The following CSNK1G3 variants were observed in gnomAD, a reference collection of about 807,000 sequenced individuals.
The protein encoded by CSNK1G3 is casein kinase 1 gamma 3.
A neutral mutation model predicts 64.3 loss-of-function variants in CSNK1G3; 23 were observed. The ratio of observed to expected loss-of-function variants is 0.36; its 90% CI spans 0.26 to 0.51. The LOEUF (loss-of-function observed/expected upper bound fraction) is 0.51, where lower values mean the gene tolerates loss of function less well. Ranked by LOEUF, CSNK1G3 falls within the 20% of genes least tolerant of loss-of-function variation. CSNK1G3 has a pLI of 0.96. For synonymous variants in CSNK1G3, 158 were observed against 162.2 expected (o/e 0.97, Z 0.20); for missense variants, 357 against 510.5 (o/e 0.70, Z 2.90).
chr5:123,537,274 T>C (rs1039740454), intron 1 of CSNK1G3, among the ~76,000 whole-genome samples: 4 of 152,170 alleles, frequency 2.6e-5, no homozygotes, highest in Admixed American at 1.3e-4. Context: ...GAGTGAATCA[T>C]GTCTTTTGCA....
intron 6 of CSNK1G3, among the ~76,000 whole-genome samples, chr5:123,586,607 G>C (rs1791378949): frequency 1.3e-5 from 2 of 152,102 alleles, no homozygotes; most frequent in Admixed American, 6.6e-5. Context: ...GAAATGGGAA[G>C]TTGAAATCTC....
At chr5:123,523,145 T>A (rs1580868804) in intron 1 of CSNK1G3, among the ~76,000 whole-genome samples, 2 of 151,654 alleles carry the variant, frequency 1.3e-5, no homozygotes, top group Admixed American at 6.6e-5. Context: ...TAACTGCACT[T>A]CTGCTTTCTT....
At chr5:123,526,878 GTGTA>G (rs147255916) in intron 1 of CSNK1G3, among the ~76,000 whole-genome samples, 12,800 of 116,142 alleles carry the variant, frequency 0.11, 832 homozygotes, top group African/African-American at 0.23. Context: ...GTGTGTGTGT[GTGTA>G]TGAACATAAT....
At chr5:123,541,811 G>A (rs1184995442) in intron 1 of CSNK1G3, among the ~76,000 whole-genome samples, 1 of 151,480 alleles carries the variant, frequency 6.6e-6, no homozygotes, top group African/African-American at 2.4e-5. Flanking sequence ...TTTTCTTTTT[G>A]GGGGAAAATC....
chr5:123,601,318 C>T (rs1794458738), intron 10 of CSNK1G3, among the ~76,000 whole-genome samples: 1 of 151,968 alleles, frequency 6.6e-6, no homozygotes, highest in African/African-American at 2.4e-5. Flanking sequence ...ATTTTAATGC[C>T]ATGATACACT....
intron 4 of CSNK1G3, among the ~76,000 whole-genome samples, chr5:123,565,520 A>G (rs1786689210): frequency 6.6e-6 from 1 of 152,252 alleles, no homozygotes; most frequent in Non-Finnish European, 1.5e-5. Flanking sequence ...TTTAAATTAA[A>G]TCAGGAAGTT....
intron 1 of CSNK1G3, among the ~76,000 whole-genome samples, chr5:123,544,253 G>T (rs1315264291): frequency 6.6e-6 from 1 of 152,114 alleles, no homozygotes; most frequent in Non-Finnish European, 1.5e-5. Flanking sequence ...TTGCTCATCT[G>T]CCCATTGCTT....
intron 10 of CSNK1G3, among the ~76,000 whole-genome samples, chr5:123,601,581 A>G (rs1794509030): frequency 6.6e-6 from 1 of 152,234 alleles, no homozygotes; most frequent in Non-Finnish European, 1.5e-5. Flanking sequence ...GTCAGGTATA[A>G]AAAGTCTTCC....
chr5:123,584,868 G>A (rs769232890), intron 6 of CSNK1G3, among the ~76,000 whole-genome samples: 38 of 152,014 alleles, frequency 2.5e-4, no homozygotes, highest in African/African-American at 5.8e-4. Flanking sequence ...AAGTTGTTTC[G>A]TAGTATTCTT....
rs1792772343 is a variant in CSNK1G3, at chr5:123,593,238, ATAT to A, written c.1086+1826_1086+1828del. On this transcript the variant is annotated intron_variant, in intron 10 of 12. Transcript: ENST00000345990. ...ACACACACACACACACATATATATA[ATAT>A]TTAGGCAATTCTTTAGGATAGGCTT... 2.0e-5 allele frequency among the ~76,000 whole-genome samples: 3 copies of A among 147,006 alleles called. No homozygotes were observed. The South Asian group carries it at 6.4e-4, about 31-fold the overall frequency.
intron 11 of CSNK1G3, among the ~76,000 whole-genome samples, chr5:123,605,093 T>G (rs775374685): frequency 6.6e-6 from 1 of 152,112 alleles, no homozygotes; most frequent in Non-Finnish European, 1.5e-5. Context: ...CTTTTGAGTT[T>G]TAGGAGTGTT....
intron 10 of CSNK1G3, among the ~76,000 whole-genome samples, chr5:123,596,389 G>A (rs142631210): frequency 5.9e-5 from 9 of 152,150 alleles, no homozygotes; most frequent in Admixed American, 1.3e-4. Context: ...ACTATATTTT[G>A]TATGTATCTG....
chr5:123,559,687 G>A (rs1389497895), intron 4 of CSNK1G3, among the ~76,000 whole-genome samples: 1 of 146,724 alleles, frequency 6.8e-6, no homozygotes, highest in Non-Finnish European at 1.5e-5. Context: ...CATGAATTTG[G>A]GCATATTTTT....
intron 10 of CSNK1G3, among the ~76,000 whole-genome samples, chr5:123,603,206 T>A (rs568649425): frequency 6.6e-6 from 1 of 152,038 alleles, no homozygotes; most frequent in African/African-American, 2.4e-5. Context: ...GGAGAACTGA[T>A]TGCAAGGAGT....
At chr5:123,613,329 G>T (rs1263406877) in intron 12 of CSNK1G3, among the ~76,000 whole-genome samples, 2 of 151,652 alleles carry the variant, frequency 1.3e-5, no homozygotes, top group Non-Finnish European at 2.9e-5. Context: ...GGGTTCAGTG[G>T]CACAATCATA....
At chr5:123,574,102 G>A (rs962551631) in intron 5 of CSNK1G3, among the ~76,000 whole-genome samples, 1 of 152,100 alleles carries the variant, frequency 6.6e-6, no homozygotes, top group African/African-American at 2.4e-5. Flanking sequence ...GCCCGCCTTG[G>A]CCTTCCAAAG....
chr5:123,605,271 G>A (rs1238599699), intron 11 of CSNK1G3, 68 bp from the exon 13 acceptor site: 4 of 1,359,250 alleles, frequency 2.9e-6, no homozygotes, highest in Non-Finnish European at 4.1e-6. Flanking sequence ...TAATTTCAAT[G>A]TGAGCTGTTT....
chr5:123,526,962 G>C (rs1441849390), intron 1 of CSNK1G3, among the ~76,000 whole-genome samples: 1 of 151,436 alleles, frequency 6.6e-6, no homozygotes, highest in Non-Finnish European at 1.5e-5. Flanking sequence ...GTTTAACTTT[G>C]TAAGAAACTG....
intron 3 of CSNK1G3, 130 bp downstream of exon 3, chr5:123,553,277 C>A: frequency 2.3e-6 from 1 of 435,256 alleles, no homozygotes; most frequent in Non-Finnish European, 4.1e-6. Flanking sequence ...ATATGCATAG[C>A]TAATCTTTGT....
Sources: gnomAD v4.1 joint callset for allele counts (sites outside exome capture counted in the v4.1 genomes callset) on GRCh38, gnomAD v4.1.1 for gene constraint, MANE v1.5 for transcripts, NCBI Gene and HGNC (gene_info 2026-07-23, HGNC 2026-07-21) for gene names.